The following MYRFL variants were observed in gnomAD, a reference collection of about 807,000 sequenced individuals.
MYRFL encodes myelin regulatory factor-like protein.
In MYRFL, 88 loss-of-function variants were observed where a neutral mutation model predicts 109.4. The observed-to-expected ratio is 0.80, with a 90% confidence interval of 0.68 to 0.96. MYRFL has a LOEUF of 0.96. MYRFL is among the 40% of genes least tolerant of loss of function. The probability of loss-of-function intolerance (pLI) is 0.00; values close to 1 mark genes in which losing one functional copy is unlikely to be tolerated. For synonymous variants in MYRFL, 324 were observed against 320.9 expected (o/e 1.01, Z -0.10); for missense variants, 957 against 954.9 (o/e 1.00, Z -0.03).
intron 9 of MYRFL, among the ~76,000 whole-genome samples, chr12:69,895,916 C>T (rs560512120): frequency 1.3e-4 from 20 of 152,138 alleles, no homozygotes; most frequent in African/African-American, 4.6e-4. Flanking sequence ...AGTGTGGTTC[C>T]GGGACTAGCA....
chr12:69,899,358 A>C (rs1188500298), intron 10 of MYRFL, among the ~76,000 whole-genome samples: 1 of 152,244 alleles, frequency 6.6e-6, no homozygotes, highest in Non-Finnish European at 1.5e-5. Context: ...AGAAATGTCC[A>C]CAGAATACAT....
At chr12:69,886,418 G>A (rs1023043601) in intron 5 of MYRFL, among the ~76,000 whole-genome samples, 1 of 152,144 alleles carries the variant, frequency 6.6e-6, no homozygotes, top group Non-Finnish European at 1.5e-5. Flanking sequence ...AATTGGGATA[G>A]GCCACATGTC....
intron 1 of MYRFL, among the ~76,000 whole-genome samples, chr12:69,837,227 C>G (rs181488610): frequency 1.3e-3 from 200 of 152,242 alleles, no homozygotes; most frequent in Middle Eastern, 6.8e-3. Context: ...TATTCTAGAA[C>G]GAGATGCCAA....
intron 2 of MYRFL, among the ~76,000 whole-genome samples, chr12:69,859,179 G>C (rs902567611): frequency 6.6e-6 from 1 of 151,880 alleles, no homozygotes; most frequent in Admixed American, 6.6e-5. Flanking sequence ...TTCTGTGACT[G>C]GTTTCTAGTT....
At chr12:69,838,944 A>T (rs1220013550) in intron 1 of MYRFL, among the ~76,000 whole-genome samples, 4 of 152,212 alleles carry the variant, frequency 2.6e-5, no homozygotes, top group Admixed American at 6.5e-5. Flanking sequence ...TAGATTATTC[A>T]CTGAGAAGCT....
chr12:69,834,420 G>C (rs1592677428), intron 1 of MYRFL, among the ~76,000 whole-genome samples: 1 of 152,142 alleles, frequency 6.6e-6, no homozygotes, highest in Non-Finnish European at 1.5e-5. Context: ...AATGGTGTAT[G>C]CCTTGTTTCA....
At chr12:69,850,789 T>G (rs1883833553) in intron 1 of MYRFL, among the ~76,000 whole-genome samples, 1 of 152,340 alleles carries the variant, frequency 6.6e-6, no homozygotes, top group African/African-American at 2.4e-5. Flanking sequence ...CATCCATGGT[T>G]GTTTTTCACC....
At chr12:69,826,891 A>G (rs1021972873) in intron 1 of MYRFL, among the ~76,000 whole-genome samples, 1 of 152,104 alleles carries the variant, frequency 6.6e-6, no homozygotes, top group African/African-American at 2.4e-5. Context: ...CAGGTTCAAC[A>G]ACCACTTTCT....
Sources: allele counts gnomAD v4.1 joint callset (sites outside exome capture counted in the v4.1 genomes callset), GRCh38; gene constraint gnomAD v4.1.1; transcripts MANE v1.5; gene names NCBI Gene and HGNC (gene_info 2026-07-23, HGNC 2026-07-21).